The following DLGAP2 variants were observed in gnomAD, a reference collection of about 807,000 sequenced individuals.
The protein encoded by DLGAP2 is DLG associated protein 2, also known as disks large-associated protein 2.
In DLGAP2, 26 loss-of-function variants were observed where a neutral mutation model predicts 100.3. That is an observed-to-expected ratio of 0.26 (90% CI 0.19 to 0.36). DLGAP2 has a LOEUF of 0.36. DLGAP2 is among the 10% of genes least tolerant of loss of function. DLGAP2 has a pLI of 1.00. For synonymous variants in DLGAP2, 886 were observed against 630.1 expected, an observed-to-expected ratio of 1.41 and a Z score of -6.08; for missense variants, 1,858 against 1,453.2, an observed-to-expected ratio of 1.28 and a Z score of -4.53.
At chr8:1,056,172 C>G (rs996191211) in intron 2 of DLGAP2, among the ~76,000 whole-genome samples, 1 of 152,182 alleles carries the variant, frequency 6.6e-6, no homozygotes, top group Admixed American at 6.5e-5. Flanking sequence ...GGAAAAAATA[C>G]CCGTTTGTTC....
chr8:795,859 A>AGAGCAGCTGTCCG (rs1796020626), intron 1 of DLGAP2, among the ~76,000 whole-genome samples: 10 of 72,666 alleles, frequency 1.4e-4, no homozygotes, highest in South Asian at 4.8e-4. Context: ...GCAGGCGTCC[A>AGAGCAGCTGTCCG]GTGAGAGCAG....
At chr8:1,232,753 A>G (rs988383741) in intron 2 of DLGAP2, among the ~76,000 whole-genome samples, 4 of 152,226 alleles carry the variant, frequency 2.6e-5, no homozygotes, top group African/African-American at 7.2e-5. Context: ...TCATTCACAC[A>G]TTCATTTCTT....
chr8:1,451,082 A>T (rs1798146278), intron 3 of DLGAP2, among the ~76,000 whole-genome samples: 2 of 152,158 alleles, frequency 1.3e-5, no homozygotes, highest in African/African-American at 4.8e-5. Context: ...TTACATGAGT[A>T]ACACATATCC....
At chr8:1,598,122 CA>C (rs1796516417) in intron 6 of DLGAP2, among the ~76,000 whole-genome samples, 2 of 152,168 alleles carry the variant, frequency 1.3e-5, no homozygotes, top group Admixed American at 6.5e-5. Flanking sequence ...TTGAGATAAT[CA>C]TGTGGTTTTT....
At chr8:804,611 A>C (rs977120727) in intron 1 of DLGAP2, among the ~76,000 whole-genome samples, 34 of 152,200 alleles carry the variant, frequency 2.2e-4, no homozygotes, top group Admixed American at 8.5e-4. Context: ...CCTGTACTTT[A>C]CCAGAAAAGT....
At chr8:1,358,970 G>C (rs1192147711) in intron 3 of DLGAP2, among the ~76,000 whole-genome samples, 1 of 152,190 alleles carries the variant, frequency 6.6e-6, no homozygotes, top group Non-Finnish European at 1.5e-5. Context: ...GGGCCAGCGG[G>C]TCTGAAACTT....
At position 1,228,510 on chromosome 8, in the gene DLGAP2, T is replaced by C. The variant is rs552795660; in HGVS notation, c.74-30341T>C. 5.3e-5 allele frequency among the ~76,000 whole-genome samples: 8 copies of C among 152,330 alleles called. No individual in the cohort carries two copies. In the East Asian group the frequency reaches 1.5e-3, roughly 29 times the overall value. ...ACCATACAATGACATCATAAGAAAC[T>C]ACAAACCAGTGCCTCTTATGAATAT... On this transcript the variant is annotated intron_variant, in intron 2 of 14. Transcript: ENST00000637795.
rs140336560 is a variant in DLGAP2, at chr8:821,366, A to G, written c.18+83541A>G. On this transcript the variant is annotated intron_variant, in intron 1 of 14. Coordinates refer to ENST00000637795, the MANE Select transcript of DLGAP2 (RefSeq NM_001346810.2). ...ATCACCAGCTCAGTGAGAAGAAAAGACTGGCATATCTTTCCAGTGTAACTT... is the reference window on the plus strand; with the variant it reads ...ATCACCAGCTCAGTGAGAAGAAAAGGCTGGCATATCTTTCCAGTGTAACTT... Among the ~76,000 whole-genome samples, 10 of 152,318 alleles carry G rather than the reference A, an allele frequency of 6.6e-5. No homozygotes were observed. In the East Asian group the frequency reaches 1.9e-3, roughly 29 times the overall value.
chr8:909,176 C>G lies in DLGAP2; in HGVS notation c.73+1210C>G, dbSNP rs965671845. Among the ~76,000 whole-genome samples, 38 of 152,302 alleles carry G rather than the reference C, an allele frequency of 2.5e-4. 1 individual carries two copies. The highest frequency in any genetic ancestry group is 8.7e-4 in the African/African-American group (36 of 41,560). On this transcript the variant is annotated intron_variant, in intron 2 of 14. Coordinates refer to ENST00000637795, the MANE Select transcript of DLGAP2 (RefSeq NM_001346810.2). ...CTACGAGTTTGAGCATATCTGCTTACAGGGAAGCTTGTTGAGTGTGTCAGA... is the reference window on the plus strand; with the variant it reads ...CTACGAGTTTGAGCATATCTGCTTAGAGGGAAGCTTGTTGAGTGTGTCAGA...
intron 2 of DLGAP2, among the ~76,000 whole-genome samples, chr8:1,129,596 G>A (rs1259335851): frequency 6.6e-6 from 1 of 152,160 alleles, no homozygotes; most frequent in African/African-American, 2.4e-5. Flanking sequence ...AGCCTTGCGG[G>A]AAGCCTGAGT....
intron 3 of DLGAP2, among the ~76,000 whole-genome samples, chr8:1,426,439 G>A (rs1272734032): frequency 6.6e-6 from 1 of 152,178 alleles, no homozygotes; most frequent in Non-Finnish European, 1.5e-5. Flanking sequence ...GAGGAAAGAT[G>A]TAGAGACTCC....
chr8:1,318,428 T>C (rs1388751626), intron 3 of DLGAP2, among the ~76,000 whole-genome samples: 1 of 151,054 alleles, frequency 6.6e-6, no homozygotes, highest in Admixed American at 6.6e-5. Context: ...AGATTGTTAG[T>C]GACCTTCGTT....
chr8:1,482,978 G>A (rs1165207424), intron 3 of DLGAP2, among the ~76,000 whole-genome samples: 3 of 152,216 alleles, frequency 2.0e-5, no homozygotes, highest in African/African-American at 7.2e-5. Flanking sequence ...CTCACGTCCC[G>A]TGCTCGGGCC....
Position 1,676,566 on chromosome 8 carries a change from C to T in DLGAP2, c.2236C>T (p.Arg746Cys), listed in dbSNP as rs749158458. The stretch of plus-strand genomic sequence containing the variant: ...GGCCACAGATTCTGACACGGAGAGC[C>T]GCGGTCTGCGGGAATACCACTCTGT... ...ETATDSDTES[R>C]GLREYHSVGV... is the part of the protein sequence containing the mutation. The change falls in exon 11 of 15, where the codon CGC (arginine) becomes TGC (cysteine). Residue 746 changes from arginine (R) to cysteine (C), a missense_variant. Transcript: ENST00000637795. 3 of 1,613,482 alleles carry T rather than the reference C, an allele frequency of 1.9e-6. No individual in the cohort carries two copies. Among genetic ancestry groups the T allele is most frequent in the Non-Finnish European group, 1.7e-6 (2 of 1,179,730 alleles).
In DLGAP2 at chr8:1,663,460, C is replaced by T. The variant is rs550334569; in HGVS notation, c.1811-4869C>T. ...CTCCGCTTCGTGGGACGCCGGACAC[C>T]GCAGAGCACCCTCAGACAGAGGGAA... On this transcript the variant is annotated intron_variant, in intron 8 of 14. Transcript: ENST00000637795. Among the ~76,000 whole-genome samples the T allele has an allele frequency of 5.9e-5, 9 of 152,230 alleles. No individual in the cohort carries two copies. In the East Asian group the frequency reaches 1.5e-3, roughly 26 times the overall value.
At chr8:904,691 G>A (rs372918036) in intron 1 of DLGAP2, among the ~76,000 whole-genome samples, 34 of 152,298 alleles carry the variant, frequency 2.2e-4, no homozygotes, top group Middle Eastern at 3.4e-3. Flanking sequence ...GTCAGTGCTC[G>A]CAGCTGGCTG....
chr8:1,674,731 T>TG lies in DLGAP2; in HGVS notation c.2203-1801dup, dbSNP rs1798769679. 2.0e-5 allele frequency among the ~76,000 whole-genome samples: 3 copies of TG among 152,306 alleles called. 1 individual carries two copies. Among genetic ancestry groups the TG allele is most frequent in the Admixed American group, 2.0e-4 (3 of 15,306 alleles). On this transcript the variant is annotated intron_variant, in intron 10 of 14. Transcript: ENST00000637795. Reference sequence around the variant, plus strand: ...AGAAGTTTTCACACAAGTACAGACATGTATTTATATAGCAGCATCATTTAT... The same window carrying TG: ...AGAAGTTTTCACACAAGTACAGACATGGTATTTATATAGCAGCATCATTTAT...
intron 4 of DLGAP2, among the ~76,000 whole-genome samples, chr8:1,518,590 G>A (rs117354490): frequency 8.5e-5 from 13 of 152,254 alleles, no homozygotes; most frequent in Admixed American, 3.9e-4. Flanking sequence ...AAATGACCAC[G>A]TGGTGATTTC....
At chr8:1,499,082 A>G (rs1450881164) in intron 3 of DLGAP2, among the ~76,000 whole-genome samples, 6 of 152,234 alleles carry the variant, frequency 3.9e-5, no homozygotes, top group Non-Finnish European at 8.8e-5. Flanking sequence ...TACTCCTGCA[A>G]TTCAAGGCTG....
Sources: gnomAD v4.1 joint callset for allele counts (sites outside exome capture counted in the v4.1 genomes callset) on GRCh38, gnomAD v4.1.1 for gene constraint, MANE v1.5 for transcripts, NCBI Gene and HGNC (gene_info 2026-07-23, HGNC 2026-07-21) for gene names.